HDLBP: variants seen among roughly 807,000 people sequenced by gnomAD.
HDLBP encodes the protein high density lipoprotein binding protein, also known as vigilin.
Under a neutral mutation model 137.3 loss-of-function variants are expected in HDLBP, and 30 were observed. The observed-to-expected ratio is 0.22, with a 90% CI of 0.16 to 0.30. The LOEUF is 0.30. Among genes scored for constraint, HDLBP ranks in the 10% least tolerant of loss-of-function variants. The pLI is 1.00. For synonymous variants in HDLBP, 606 were observed against 596.0 expected, an observed-to-expected ratio of 1.02 and a Z score of -0.24; for missense variants, 1,119 against 1,667.3, an observed-to-expected ratio of 0.67 and a Z score of 5.73.
chr2:241,250,927 G>C (rs2072092666), intron 11 of HDLBP: 1 of 152,122 alleles, frequency 6.6e-6, no homozygotes, highest in Non-Finnish European at 1.5e-5. Context: ...TTTCTCGGGG[G>C]CAGAAACCAG....
Position 241,272,507 on chromosome 2 carries a change from C to T in HDLBP, c.-102-3966G>A. The T allele has an allele frequency of 1.0e-6, 1 of 984,748 alleles. No homozygotes were observed. The highest frequency in any genetic ancestry group is 1.2e-6 in the Non-Finnish European group (1 of 829,720). 61.0% of individuals were successfully genotyped at this position (984,748 alleles called of 1,614,324 possible). A position where few individuals can be genotyped will look rare whatever the true frequency, so the allele number is the denominator to read the frequency against. On this transcript the variant is annotated intron_variant, in intron 1 of 27. Coordinates refer to ENST00000310931, the MANE Select transcript of HDLBP (RefSeq NM_005336.6). This position sits in a 1 kb window ranked among gnomAD's most constrained non-coding sequence, Gnocchi z 5.6. ...CGGACTTGAGAAAGTTTGTGCGCGC[C>T]CCTCCGCGCCACGGCCACGCGCAGA...
rs1375364301 is a variant in HDLBP at position 241,272,505 on chromosome 2, G to A, written c.-102-3964C>T. On this transcript the variant is annotated intron_variant, in intron 1 of 27. Coordinates refer to ENST00000310931, the MANE Select transcript of HDLBP (RefSeq NM_005336.6). The surrounding 1 kb of genome is among the most constrained non-coding windows in gnomAD (Gnocchi z 5.6). ...ACCGGACTTGAGAAAGTTTGTGCGC[G>A]CCCCTCCGCGCCACGGCCACGCGCA... 1.3e-5 allele frequency: 13 copies of A among 984,562 alleles called. No homozygotes were observed. The highest frequency in any genetic ancestry group is 1.6e-5 in the Non-Finnish European group (13 of 829,714). 61.0% of individuals were successfully genotyped at this position (984,562 alleles called of 1,614,324 possible). A position where few individuals can be genotyped will look rare whatever the true frequency, so the allele number is the denominator to read the frequency against.
At chr2:241,250,250 T>C (rs1012730227) in intron 11 of HDLBP, 2 of 317,382 alleles carry the variant, frequency 6.3e-6, no homozygotes, top group Non-Finnish European at 1.2e-5. Context: ...TAACTGACGG[T>C]TGGGGCCACT....
At chr2:241,298,627 A>C (rs1474129692) in intron 1 of HDLBP, among the ~76,000 whole-genome samples, 1 of 152,206 alleles carries the variant, frequency 6.6e-6, no homozygotes. Context: ...TATACTTAAC[A>C]ATTACAAAGA....
At position 241,248,620 on chromosome 2, in the gene HDLBP, G is replaced by A. The variant is rs1224306558; in HGVS notation, c.1513-272C>T. 3.9e-5 allele frequency among the ~76,000 whole-genome samples: 6 copies of A among 152,246 alleles called. No homozygotes were observed. In the East Asian group the frequency reaches 1.2e-3, roughly 30 times the overall value. ...AGTCCAATTAAGGAACTCGCTGTAG[G>A]ACCCTTCAACCAAAAGTGCTATCAT... On this transcript the variant is annotated intron_variant, in intron 12 of 27. Transcript: ENST00000310931.
At chr2:241,285,101 G>A (rs1167573308) in intron 1 of HDLBP, among the ~76,000 whole-genome samples, 3 of 152,196 alleles carry the variant, frequency 2.0e-5, no homozygotes, top group African/African-American at 4.8e-5. Flanking sequence ...GGCTGGTCTC[G>A]AACTCCTGAC....
chr2:241,228,390 C>T lies in HDLBP; in HGVS notation c.*1211G>A, dbSNP rs1327316424. 6.6e-6 allele frequency: 1 copy of T among 152,368 alleles called. No homozygotes were observed. Among genetic ancestry groups the T allele is most frequent in the African/African-American group, 2.4e-5 (1 of 41,456 alleles). 9.4% of individuals were successfully genotyped at this position (152,368 alleles called of 1,614,324 possible). On this transcript the variant is annotated 3_prime_UTR_variant, in exon 28 of 28. Coordinates refer to ENST00000310931, the MANE Select transcript of HDLBP (RefSeq NM_005336.6). ...ATTCTGCTCTACCTCATGCTCTAGG[C>T]CCCATGCCATCGTCTCGGCCCTAGA...
intron 2 of HDLBP, chr2:241,267,830 G>C: frequency 6.9e-7 from 1 of 1,447,064 alleles, no homozygotes; most frequent in Non-Finnish European, 9.1e-7. Context: ...GTGTGGGACA[G>C]AACTCGCACA....
chr2:241,287,501 A>C (rs1235837010), intron 1 of HDLBP, among the ~76,000 whole-genome samples: 1 of 149,638 alleles, frequency 6.7e-6, no homozygotes, highest in African/African-American at 2.5e-5. Flanking sequence ...GCTCACTGCA[A>C]CCTCTGCCTC....
rs2072546449 is a variant in HDLBP, at chr2:241,255,561, A to G, written c.893T>C (p.Ile298Thr). 6.2e-7 allele frequency: 1 copy of G among 1,613,728 alleles called. No homozygotes were observed. Among genetic ancestry groups the G allele is most frequent in the African/African-American group, 1.3e-5 (1 of 74,898 alleles). The change falls in exon 8 of 28, where the codon ATT becomes ACT. Residue 298 changes from isoleucine (I) to threonine (T), a missense_variant. By Grantham distance (89) the Ile-to-Thr change is moderately conservative. Around this residue, in one of 4 missense-constraint regions of HDLBP, gnomAD observed 425 missense variants for 693.9 expected, o/e 0.61. Coordinates refer to ENST00000310931, the MANE Select transcript of HDLBP (RefSeq NM_005336.6). ...YEEKKKKTTTIAVEVKKSQHK... is the reference protein window; with the variant it reads ...YEEKKKKTTTTAVEVKKSQHK... ...TTGGGATTTCTTCACTTCCACTGCA[A>G]TGGTTGTAGTCTTCTTTTTCTAAAT...
chr2:241,261,505 T>C (rs562836572), intron 5 of HDLBP, among the ~76,000 whole-genome samples: 1 of 152,270 alleles, frequency 6.6e-6, no homozygotes, highest in East Asian at 1.9e-4. Context: ...TGAAGATAAT[T>C]GAGGAGTAGG....
At chr2:241,305,732 G>A (rs543104461) in intron 1 of HDLBP, among the ~76,000 whole-genome samples, 10 of 151,702 alleles carry the variant, frequency 6.6e-5, no homozygotes, top group Non-Finnish European at 1.5e-4. Flanking sequence ...TAGTATATAG[G>A]AAGCAATGAA....
chr2:241,290,142 G>C (rs989293840), intron 1 of HDLBP, among the ~76,000 whole-genome samples: 1 of 152,094 alleles, frequency 6.6e-6, no homozygotes, highest in African/African-American at 2.4e-5. Context: ...GCAGGTGCAG[G>C]GTATGCTACC....
At position 241,255,470 on chromosome 2, in the gene HDLBP, G is replaced by C. The variant is rs770956615; in HGVS notation, c.984C>G (p.Ser328=). Residue 328 remains serine (S), a synonymous_variant, in exon 8 of 28, where the codon TCC becomes TCG. Transcript: ENST00000310931. ...TGCTGTCTGAGGGTGGGATCTCAACGGAAACTCCAGTTCTCTCAAGGATCT... is the reference window on the plus strand; with the variant it reads ...TGCTGTCTGAGGGTGGGATCTCAACCGAAACTCCAGTTCTCTCAAGGATCT... ...LQEILERTGV[S]VEIPPSDSIS... 6.2e-7 allele frequency: 1 copy of C among 1,614,068 alleles called. No individual in the cohort carries two copies. Among genetic ancestry groups the C allele is most frequent in the Non-Finnish European group, 8.5e-7 (1 of 1,179,910 alleles).
chr2:241,280,622 G>C (rs533670258), intron 1 of HDLBP, among the ~76,000 whole-genome samples: 1 of 152,090 alleles, frequency 6.6e-6, no homozygotes, highest in African/African-American at 2.4e-5. Context: ...TGTTTTATCC[G>C]AGTCATTATA....
chr2:241,284,862 T>C (rs2074745210), intron 1 of HDLBP, among the ~76,000 whole-genome samples: 2 of 152,206 alleles, frequency 1.3e-5, no homozygotes, highest in Admixed American at 6.5e-5. Flanking sequence ...ATCATGAGCA[T>C]TTTTTAACCA....
chr2:241,303,500 T>G lies in HDLBP; in HGVS notation c.-103+12070A>C, dbSNP rs541256365. On this transcript the variant is annotated intron_variant, in intron 1 of 27. Transcript: ENST00000310931. ...CAACACAGCTGTATACAAGAACACT[T>G]GGCTGCCTCAAGGACAGCAGCGCCC... Among the ~76,000 whole-genome samples the G allele has an allele frequency of 7.8e-4, 119 of 152,314 alleles. 1 individual carries two copies. Among genetic ancestry groups the G allele is most frequent in the African/African-American group, 2.5e-3 (104 of 41,576 alleles).
intron 21 of HDLBP, chr2:241,236,154 C>T (rs537605246): frequency 1.9e-4 from 39 of 200,990 alleles, no homozygotes; most frequent in African/African-American, 6.9e-4. Flanking sequence ...TGTCTCTCCA[C>T]GGCAACGTGA....
At chr2:241,291,793 G>C (rs2075020426) in intron 1 of HDLBP, among the ~76,000 whole-genome samples, 1 of 152,148 alleles carries the variant, frequency 6.6e-6, no homozygotes, top group South Asian at 2.1e-4. Context: ...TATATGGGTG[G>C]GACGTAACCA....
Sources: gnomAD v4.1 joint callset for allele counts (sites outside exome capture counted in the v4.1 genomes callset) on GRCh38, gnomAD v4.1.1 for gene constraint, gnomAD v4.1.1 regional missense constraint, Gnocchi (gnomAD v3.1) non-coding constraint, MANE v1.5 for transcripts, NCBI Gene and HGNC (gene_info 2026-07-23, HGNC 2026-07-21) for gene names.